Variants in AEBP2 observed in about 807,000 individuals in gnomAD.
AEBP2 encodes the protein AE binding protein 2.
In AEBP2, 10 loss-of-function variants were observed where a neutral mutation model predicts 50.8. That is an observed-to-expected ratio of 0.20 (90% CI 0.12 to 0.33). The LOEUF (loss-of-function observed/expected upper bound fraction) is 0.33. Among genes scored for constraint, AEBP2 ranks in the 10% least tolerant of loss-of-function variants. The probability of loss-of-function intolerance (pLI) is 1.00; values close to 1 mark genes in which losing one functional copy is unlikely to be tolerated. For missense variants in AEBP2, 570 were observed against 688.0 expected, an observed-to-expected ratio of 0.83 and a Z score of 1.92; for synonymous variants, 296 against 261.3, an observed-to-expected ratio of 1.13 and a Z score of -1.28.
At chr12:19,468,316 G>A (rs61912773) in intron 2 of AEBP2, among the ~76,000 whole-genome samples, 11,432 of 152,096 alleles carry the variant, frequency 0.075, 497 homozygotes, top group South Asian at 0.2. Flanking sequence ...ACTTTAGATG[G>A]TGTCTCTCTT....
chr12:19,521,788 AT>A lies in AEBP2; in HGVS notation c.*3677del, dbSNP rs1490047008. The A allele has an allele frequency of 6.6e-6, 1 of 152,030 alleles. No individual in the cohort carries two copies. Among genetic ancestry groups the A allele is most frequent in the African/African-American group, 2.4e-5 (1 of 41,434 alleles). 9.4% of individuals were successfully genotyped at this position (152,030 alleles called of 1,614,324 possible). A position where few individuals can be genotyped will look rare whatever the true frequency, so the allele number is the denominator to read the frequency against. ...TGCCACAGTTGTTTAAAGCATTTTT[AT>A]TTTTTCTTTGAATTCTTAATTCATG... On this transcript the variant is annotated 3_prime_UTR_variant, in exon 8 of 8. Coordinates refer to ENST00000266508, the MANE Select transcript of AEBP2 (RefSeq NM_153207.5).
At chr12:19,430,228 C>T (rs2095750732) in intron 1 of AEBP2, among the ~76,000 whole-genome samples, 1 of 152,148 alleles carries the variant, frequency 6.6e-6, no homozygotes, top group Admixed American at 6.6e-5. Context: ...ATTTATTAAA[C>T]AGGAATCCTT....
upstream of AEBP2, among the ~76,000 whole-genome samples, chr12:19,437,278 A>G (rs77470606): frequency 0.011 from 1,631 of 152,318 alleles, 9 homozygotes; most frequent in Middle Eastern, 0.041. Context: ...ACAAATGGAC[A>G]GCTTTCTCTG....
chr12:19,517,902 T>C (rs558044486), intron 7 of AEBP2, among the ~76,000 whole-genome samples, 185 bp from the exon 8 acceptor site: 1 of 152,384 alleles, frequency 6.6e-6, no homozygotes, highest in South Asian at 2.1e-4. Flanking sequence ...TTAAAACTTT[T>C]ATTAAACAAC....
intron 1 of AEBP2, among the ~76,000 whole-genome samples, chr12:19,458,662 A>G (rs533569237): frequency 1.3e-5 from 2 of 152,342 alleles, no homozygotes; most frequent in East Asian, 1.9e-4. Context: ...ATGAAGTACT[A>G]TGTAGACAGA....
upstream of AEBP2, among the ~76,000 whole-genome samples, chr12:19,438,312 G>A (rs1947882292): frequency 6.6e-6 from 1 of 151,976 alleles, no homozygotes; most frequent in African/African-American, 2.4e-5. Flanking sequence ...GCGATTTTTG[G>A]GCATATAATG....
chr12:19,465,537 C>G (rs2153370844), intron 2 of AEBP2, among the ~76,000 whole-genome samples: 2 of 152,212 alleles, frequency 1.3e-5, no homozygotes, highest in South Asian at 2.1e-4. Context: ...TTCCTACATA[C>G]CAGTCATTAG....
At chr12:19,493,723 T>C in intron 3 of AEBP2, 77 bp from the exon 4 acceptor site, 2 of 1,351,008 alleles carry the variant, frequency 1.5e-6, no homozygotes, top group Middle Eastern at 2.4e-4. Context: ...CCGAAAATAC[T>C]AGATATTCAC....
intron 3 of AEBP2, among the ~76,000 whole-genome samples, chr12:19,479,491 C>G (rs993406316): frequency 3.3e-5 from 5 of 152,104 alleles, no homozygotes; most frequent in African/African-American, 4.8e-5. Context: ...CCTAGGCACA[C>G]AGTCATCAGG....
At chr12:19,425,778 A>G (rs2095748226) in intron 1 of AEBP2, among the ~76,000 whole-genome samples, 1 of 151,568 alleles carries the variant, frequency 6.6e-6, no homozygotes, top group African/African-American at 2.4e-5. Flanking sequence ...CATCTCAAAA[A>G]AAAAAAAAAA....
chr12:19,479,092 C>G (rs949097178), intron 3 of AEBP2, among the ~76,000 whole-genome samples: 3 of 152,034 alleles, frequency 2.0e-5, no homozygotes, highest in Non-Finnish European at 2.9e-5. Context: ...ACTTGTAGTC[C>G]TAGCTATGCG....
At chr12:19,404,859 A>C (rs191219920) in intron 1 of AEBP2, among the ~76,000 whole-genome samples, 1 of 150,926 alleles carries the variant, frequency 6.6e-6, no homozygotes, top group Non-Finnish European at 1.5e-5. Flanking sequence ...ACGCAGGGCC[A>C]TATGTTACGA....
At chr12:19,447,167 G>A (rs1948085056) in intron 1 of AEBP2, among the ~76,000 whole-genome samples, 1 of 152,204 alleles carries the variant, frequency 6.6e-6, no homozygotes, top group South Asian at 2.1e-4. Flanking sequence ...GTGCAAGTGA[G>A]GCCTTTCATG....
At chr12:19,461,605 G>A (rs1288115033) in intron 1 of AEBP2, among the ~76,000 whole-genome samples, 1 of 152,058 alleles carries the variant, frequency 6.6e-6, no homozygotes, top group African/African-American at 2.4e-5. Context: ...CGCCTCCTGG[G>A]TTCAAGAGAT....
chr12:19,429,957 C>A (rs1220876405), intron 1 of AEBP2, among the ~76,000 whole-genome samples: 2 of 152,064 alleles, frequency 1.3e-5, no homozygotes, highest in African/African-American at 4.8e-5. Flanking sequence ...GTTTCTTTTG[C>A]TCTGCAGAAG....
At chr12:19,508,944 A>G (rs1360406632) in intron 5 of AEBP2, 1 of 453,532 alleles carries the variant, frequency 2.2e-6, no homozygotes, top group South Asian at 2.2e-5. Context: ...CTTTTCTACA[A>G]TACAGCCTCT....
At chr12:19,408,098 G>A (rs936088724) in intron 1 of AEBP2, among the ~76,000 whole-genome samples, 3 of 151,498 alleles carry the variant, frequency 2.0e-5, no homozygotes, top group Middle Eastern at 3.4e-3. Flanking sequence ...TTTCTGTTAA[G>A]CTATGCTGTT....
At chr12:19,484,838 A>G (rs1234139440) in intron 3 of AEBP2, among the ~76,000 whole-genome samples, 4 of 152,164 alleles carry the variant, frequency 2.6e-5, no homozygotes, top group Admixed American at 2.0e-4. Flanking sequence ...GAATAAGTAA[A>G]TCAATGGTCT....
intron 1 of AEBP2, 44 bp from the exon 2 acceptor site, chr12:19,462,466 A>G: frequency 7.0e-7 from 1 of 1,438,630 alleles, no homozygotes; most frequent in South Asian, 1.2e-5. Context: ...TATTCATGTT[A>G]GTGAATTTCT....
Sources: gnomAD v4.1 joint callset for allele counts (sites outside exome capture counted in the v4.1 genomes callset) on GRCh38, gnomAD v4.1.1 for gene constraint, MANE v1.5 for transcripts, NCBI Gene and HGNC (gene_info 2026-07-23, HGNC 2026-07-21) for gene names.